The following LRRTM4 variants were observed in gnomAD, a reference collection of about 807,000 sequenced individuals.
The protein encoded by LRRTM4 is leucine rich repeat transmembrane neuronal 4.
LRRTM4 carries 25 observed loss-of-function variants against 47.6 expected under a neutral mutation model. The observed-to-expected ratio is 0.53, with a 90% CI of 0.38 to 0.73. The LOEUF (loss-of-function observed/expected upper bound fraction) is 0.73. Among genes scored for constraint, LRRTM4 ranks in the 30% least tolerant of loss-of-function variants. LRRTM4 has a pLI of 0.00. For synonymous variants in LRRTM4, 311 were observed against 269.5 expected (o/e 1.15, Z -1.51); for missense variants, 638 against 713.4 (o/e 0.89, Z 1.20).
intron 3 of LRRTM4, among the ~76,000 whole-genome samples, chr2:77,252,452 G>A (rs1463850066): frequency 1.3e-5 from 2 of 152,134 alleles, no homozygotes; most frequent in Non-Finnish European, 2.9e-5. Flanking sequence ...AATGGAGACA[G>A]AAGACCCATG....
intron 3 of LRRTM4, among the ~76,000 whole-genome samples, chr2:77,508,852 C>G (rs1678871995): frequency 6.6e-6 from 1 of 152,038 alleles, no homozygotes; most frequent in African/African-American, 2.4e-5. Context: ...TTACTAATAA[C>G]TTCTGAATTC....
chr2:76,891,737 C>G (rs976948511), intron 3 of LRRTM4, among the ~76,000 whole-genome samples: 9 of 151,554 alleles, frequency 5.9e-5, no homozygotes, highest in African/African-American at 1.9e-4. Flanking sequence ...GATATCTAAA[C>G]ATACCAAACA....
chr2:77,228,566 C>A (rs936193543), intron 3 of LRRTM4, among the ~76,000 whole-genome samples: 1 of 152,268 alleles, frequency 6.6e-6, no homozygotes. Flanking sequence ...GGAAATCTTG[C>A]TGCCAGTTTT....
intron 3 of LRRTM4, among the ~76,000 whole-genome samples, chr2:77,144,614 C>T (rs1249799155): frequency 6.6e-6 from 1 of 152,130 alleles, no homozygotes; most frequent in Non-Finnish European, 1.5e-5. Context: ...GACCTCTGCA[C>T]TAGAAAAATA....
At chr2:77,276,547 C>G (rs1676361065) in intron 3 of LRRTM4, among the ~76,000 whole-genome samples, 1 of 150,166 alleles carries the variant, frequency 6.7e-6, no homozygotes, top group East Asian at 2.0e-4. Context: ...TTGATTTCCT[C>G]CAACTCCAAT....
intron 3 of LRRTM4, among the ~76,000 whole-genome samples, chr2:76,991,641 T>TA (rs1677014086): frequency 6.6e-6 from 1 of 151,564 alleles, no homozygotes; most frequent in Non-Finnish European, 1.5e-5. Context: ...GCATCAATCA[T>TA]AAAAAACTAC....
At chr2:77,078,402 ACACAC>A (rs1283416076) in intron 3 of LRRTM4, among the ~76,000 whole-genome samples, 2 of 150,708 alleles carry the variant, frequency 1.3e-5, no homozygotes, top group African/African-American at 4.9e-5. Flanking sequence ...ACACACACAC[ACACAC>A]ATGTTCTGGT....
chr2:77,362,449 G>T (rs1672279794), intron 3 of LRRTM4, among the ~76,000 whole-genome samples: 1 of 152,238 alleles, frequency 6.6e-6, no homozygotes, highest in South Asian at 2.1e-4. Flanking sequence ...CACCTTTGAA[G>T]GAGAAACTAG....
chr2:77,306,826 T>A (rs2104180237), intron 3 of LRRTM4, among the ~76,000 whole-genome samples: 1 of 152,100 alleles, frequency 6.6e-6, no homozygotes, highest in South Asian at 2.1e-4. Context: ...TTGCAATCAT[T>A]TAAAAGTAAA....
intron 3 of LRRTM4, among the ~76,000 whole-genome samples, chr2:77,035,707 A>G (rs1249523485): frequency 6.6e-6 from 1 of 151,838 alleles, no homozygotes; most frequent in Non-Finnish European, 1.5e-5. Flanking sequence ...TGTTGCATGC[A>G]TCAATAGTCC....
chr2:77,201,235 A>G (rs951492516), intron 3 of LRRTM4, among the ~76,000 whole-genome samples: 15 of 152,190 alleles, frequency 9.9e-5, no homozygotes, highest in African/African-American at 3.1e-4. Flanking sequence ...CTTACAGGTT[A>G]GCCACACAGT....
intron 3 of LRRTM4, among the ~76,000 whole-genome samples, chr2:77,487,399 T>C (rs1484167797): frequency 6.6e-6 from 1 of 152,216 alleles, no homozygotes; most frequent in African/African-American, 2.4e-5. Flanking sequence ...GGCACTGTCA[T>C]GATCCGGCTG....
intron 3 of LRRTM4, among the ~76,000 whole-genome samples, chr2:76,814,594 T>C (rs1275357987): frequency 6.6e-6 from 1 of 152,086 alleles, no homozygotes; most frequent in Non-Finnish European, 1.5e-5. Flanking sequence ...ATTCATGTTG[T>C]ATTAGGTATT....
At chr2:76,899,109 A>G (rs1159319858) in intron 3 of LRRTM4, among the ~76,000 whole-genome samples, 1 of 152,084 alleles carries the variant, frequency 6.6e-6, no homozygotes, top group African/African-American at 2.4e-5. Context: ...ATCAAAATGA[A>G]TAATTGATCA....
At chr2:76,847,715 C>A (rs370583294) in intron 3 of LRRTM4, among the ~76,000 whole-genome samples, 2 of 133,258 alleles carry the variant, frequency 1.5e-5, no homozygotes, top group Non-Finnish European at 3.0e-5. Flanking sequence ...CATAGACACT[C>A]ACTTTTATTT....
chr2:77,441,649 C>G (rs947253824), intron 3 of LRRTM4, among the ~76,000 whole-genome samples: 2 of 152,106 alleles, frequency 1.3e-5, no homozygotes, highest in Non-Finnish European at 2.9e-5. Flanking sequence ...AAAGATGTAT[C>G]ATAGTTCTAG....
Position 77,518,353 on chromosome 2 carries a change from A to G in LRRTM4, c.1516T>C (p.Cys506Arg), listed in dbSNP as rs1244563203. 1.2e-6 allele frequency: 2 copies of G among 1,611,960 alleles called. No homozygotes were observed. Among genetic ancestry groups the G allele is most frequent in the East Asian group, 4.5e-5 (2 of 44,776 alleles). Residue 506 changes from cysteine (C) to arginine (R), a missense_variant, in exon 3 of 4, where the codon TGC becomes CGC. Coordinates refer to ENST00000409884, the MANE Select transcript of LRRTM4 (RefSeq NM_001134745.3). ...MDISVNGSGPCTYTISGSREC... is the reference protein window; with the variant it reads ...MDISVNGSGPRTYTISGSREC... ...CTGGAGCCAGAGATGGTATATGTGC[A>G]GGGCCCAGATCCATTAACCGATATA...
chr2:76,898,889 T>C (rs1457557942), intron 3 of LRRTM4, among the ~76,000 whole-genome samples: 1 of 151,860 alleles, frequency 6.6e-6, no homozygotes, highest in African/African-American at 2.4e-5. Flanking sequence ...TTGTAGACCA[T>C]TTGTTAATTT....
At chr2:76,968,340 G>A (rs1304392883) in intron 3 of LRRTM4, among the ~76,000 whole-genome samples, 38 of 76,634 alleles carry the variant, frequency 5.0e-4, no homozygotes, top group Non-Finnish European at 8.2e-4. Flanking sequence ...GTGTATGTGT[G>A]TATATATATA....
Sources: gnomAD v4.1 joint callset for allele counts (sites outside exome capture counted in the v4.1 genomes callset) on GRCh38, gnomAD v4.1.1 for gene constraint, MANE v1.5 for transcripts, NCBI Gene and HGNC (gene_info 2026-07-23, HGNC 2026-07-21) for gene names.